The following USP24 variants were observed in gnomAD, a reference collection of about 807,000 sequenced individuals.
The protein encoded by USP24 is ubiquitin specific peptidase 24, also known as ubiquitin carboxyl-terminal hydrolase 24.
A neutral mutation model predicts 361.6 loss-of-function variants in USP24; 97 were observed. The observed-to-expected ratio is 0.27, with a 90% CI of 0.23 to 0.32. The LOEUF is 0.32. Among genes scored for constraint, USP24 ranks in the 10% least tolerant of loss-of-function variants. The pLI, the probability that USP24 is intolerant of heterozygous loss-of-function variation, is 1.00. For missense variants in USP24, 2,353 were observed against 3,165.6 expected, an observed-to-expected ratio of 0.74 and a Z score of 6.16; for synonymous variants, 1,098 against 1,124.6, an observed-to-expected ratio of 0.98 and a Z score of 0.47.
Position 55,154,450 on chromosome 1 carries a change from C to T in USP24, c.1571G>A (p.Ser524Asn). 6.4e-7 allele frequency: 1 copy of T among 1,551,492 alleles called. No homozygotes were observed. Among genetic ancestry groups the T allele is most frequent in the East Asian group, 2.4e-5 (1 of 40,924 alleles). Residue 524 changes from serine (S) to asparagine (N), a missense_variant, in exon 14 of 68, where the codon AGT becomes AAT. Physicochemically the swap from Ser to Asn is conservative, Grantham distance 46. This residue lies in a region of USP24 where 386 missense variants were observed against 560.5 expected (regional missense o/e 0.69). Coordinates refer to ENST00000294383, the MANE Select transcript of USP24 (RefSeq NM_015306.3). ...VLIQKSWETE[S>N]DRVRQKLLSL... ...CAAAAGCTTCTGTCTTACTCTATCA[C>T]TCTCAGTCTCCCAGCTCTGTAGAAC...
chr1:55,078,445 G>A, intron 61 of USP24, 93 bp downstream of exon 61: 1 of 853,296 alleles, frequency 1.2e-6, no homozygotes, highest in Non-Finnish European at 1.7e-6. Flanking sequence ...CTTAGGCTAT[G>A]AGAACAAGCA....
At chr1:55,122,800 G>A (rs1190297132) in intron 36 of USP24, among the ~76,000 whole-genome samples, 1 of 152,168 alleles carries the variant, frequency 6.6e-6, no homozygotes, top group Non-Finnish European at 1.5e-5. Context: ...AGGATGATAT[G>A]GGCAGGATTA....
intron 1 of USP24, 138 bp from the exon 2 acceptor site, chr1:55,178,270 T>A (rs760536311): frequency 1.6e-5 from 14 of 899,066 alleles, no homozygotes; most frequent in Non-Finnish European, 2.3e-5. Flanking sequence ...CTTTCTTTCC[T>A]ATAATCACAT....
chr1:55,187,813 T>C (rs575036220), intron 1 of USP24, among the ~76,000 whole-genome samples: 3 of 152,332 alleles, frequency 2.0e-5, no homozygotes, highest in South Asian at 2.1e-4. Flanking sequence ...CCTATGTTCA[T>C]AGATTGGAAC....
At chr1:55,186,135 T>C (rs1172787797) in intron 1 of USP24, among the ~76,000 whole-genome samples, 2 of 152,156 alleles carry the variant, frequency 1.3e-5, no homozygotes, top group Non-Finnish European at 2.9e-5. Flanking sequence ...AGAACTAACA[T>C]CAATCCTTCA....
At chr1:55,090,365 A>G (rs1411582999) in intron 54 of USP24, among the ~76,000 whole-genome samples, 3 of 152,194 alleles carry the variant, frequency 2.0e-5, no homozygotes, top group Non-Finnish European at 4.4e-5. Flanking sequence ...AAAGTGACCA[A>G]TCCTATGCCA....
At chr1:55,090,588 C>T (rs922100233) in intron 54 of USP24, among the ~76,000 whole-genome samples, 5 of 152,204 alleles carry the variant, frequency 3.3e-5, no homozygotes, top group African/African-American at 4.8e-5. Flanking sequence ...GAGAAGCTCA[C>T]TTTGCTAGTG....
intron 26 of USP24, among the ~76,000 whole-genome samples, chr1:55,138,174 G>A (rs1186407433): frequency 6.6e-6 from 1 of 151,954 alleles, no homozygotes; most frequent in East Asian, 1.9e-4. Context: ...CTTTCTCACT[G>A]TGCTCCCCTC....
At position 55,138,379 on chromosome 1, in the gene USP24, C is replaced by A. The variant is rs146448780; in HGVS notation, c.2928+229G>T. On this transcript the variant is annotated intron_variant, in intron 26 of 67. Coordinates refer to ENST00000294383, the MANE Select transcript of USP24 (RefSeq NM_015306.3). Reference sequence around the variant, plus strand: ...CTTATCACCCTCCTCACCAATGTATCCTGCTTTACTCTTATTTGTTCTTTA... The same window carrying A: ...CTTATCACCCTCCTCACCAATGTATACTGCTTTACTCTTATTTGTTCTTTA... 7.9e-5 allele frequency among the ~76,000 whole-genome samples: 12 copies of A among 152,228 alleles called. No homozygotes were observed. The East Asian group carries it at 2.3e-3, about 29-fold the overall frequency.
intron 1 of USP24, among the ~76,000 whole-genome samples, chr1:55,193,389 A>G (rs1240101806): frequency 6.6e-6 from 1 of 152,226 alleles, no homozygotes; most frequent in Non-Finnish European, 1.5e-5. Context: ...AATACAGAGA[A>G]GCAAGGTTTT....
chr1:55,195,201 C>A (rs928364489), intron 1 of USP24, among the ~76,000 whole-genome samples: 3 of 152,308 alleles, frequency 2.0e-5, no homozygotes, highest in African/African-American at 7.2e-5. Context: ...CAATCCATCA[C>A]AATATATGGT....
chr1:55,184,983 G>C (rs990463602), intron 1 of USP24, among the ~76,000 whole-genome samples: 1 of 151,728 alleles, frequency 6.6e-6, no homozygotes, highest in Non-Finnish European at 1.5e-5. Flanking sequence ...TTTGACATGG[G>C]GTCTTGTTCT....
chr1:55,147,956 A>G (rs965953274), intron 17 of USP24, among the ~76,000 whole-genome samples, 158 bp from the exon 18 acceptor site: 5 of 152,200 alleles, frequency 3.3e-5, no homozygotes, highest in Non-Finnish European at 7.4e-5. Context: ...AATAAAATCA[A>G]TCTGGTATGT....
At position 55,124,388 on chromosome 1, in the gene USP24, G is replaced by T; in HGVS notation, c.4120+81C>A. On this transcript the variant is annotated intron_variant, in intron 35 of 67. Coordinates refer to ENST00000294383, the MANE Select transcript of USP24 (RefSeq NM_015306.3). ...AGAGAAGAGGGTCTCCCATTTTTGT[G>T]ACTCTGGCAAACCTACACACAGAAT... 5 of 1,484,804 alleles carry T rather than the reference G, an allele frequency of 3.4e-6. No individual in the cohort carries two copies. In the Admixed American group the frequency reaches 6.9e-5, roughly 20 times the overall value. The allele number at this position is 1,484,804 out of a possible 1,614,324, so 92.0% of individuals were successfully genotyped here.
In USP24 at chr1:55,071,534, T is replaced by G. The variant is rs146027860; in HGVS notation, c.7800+280A>C. ...GTGAACAAGCTGGAACGAATCCCCC[T>G]GTGCCCTGGCTTCATCGGGACTACC... On this transcript the variant is annotated intron_variant, in intron 67 of 67. Transcript: ENST00000294383. The G allele has an allele frequency of 5.2e-3, 6,425 of 1,232,644 alleles. 38 individuals carry two copies. The highest frequency in any genetic ancestry group is 0.025 in the East Asian group (690 of 27,450). The allele number at this position is 1,232,644 out of a possible 1,614,324, so 76.4% of individuals were successfully genotyped here. A position where few individuals can be genotyped will look rare whatever the true frequency, so the allele number is the denominator to read the frequency against.
At chr1:55,156,677 C>T (rs1226218711) in intron 12 of USP24, among the ~76,000 whole-genome samples, 1 of 152,042 alleles carries the variant, frequency 6.6e-6, no homozygotes. Context: ...ACACCTATTC[C>T]TAGCTCTGCC....
rs573139786 is a variant in USP24, at chr1:55,066,724, A to G, written c.*2321T>C. On this transcript the variant is annotated 3_prime_UTR_variant, in exon 68 of 68. Coordinates refer to ENST00000294383, the MANE Select transcript of USP24 (RefSeq NM_015306.3). Reference sequence around the variant, plus strand: ...CTTTCCCAGGATGCCTTCAACGGGCAGAATCGGCCATCTTAAGATCGGCCT... The same window carrying G: ...CTTTCCCAGGATGCCTTCAACGGGCGGAATCGGCCATCTTAAGATCGGCCT... 2.0e-5 allele frequency: 3 copies of G among 152,340 alleles called. No individual in the cohort carries two copies. The South Asian group carries it at 6.2e-4, about 32-fold the overall frequency. The allele number at this position is 152,340 out of a possible 1,614,324, so 9.4% of individuals were successfully genotyped here.
rs535621073 is a variant in USP24 at position 55,213,991 on chromosome 1, A to G, written c.324+799T>C. Among the ~76,000 whole-genome samples, 41 of 151,976 alleles carry G rather than the reference A, an allele frequency of 2.7e-4. 1 individual carries two copies. The highest frequency in any genetic ancestry group is 9.7e-4 in the African/African-American group (40 of 41,426). ...CTCATTTCTGACCTTATCGATGACCAGTACTCCCTCTTTACCCAGACCTGG... is the reference window on the plus strand; with the variant it reads ...CTCATTTCTGACCTTATCGATGACCGGTACTCCCTCTTTACCCAGACCTGG... On this transcript the variant is annotated intron_variant, in intron 1 of 67. Transcript: ENST00000294383.
At position 55,078,527 on chromosome 1, in the gene USP24, T is replaced by C. The variant is rs1353125462; in HGVS notation, c.7314+11A>G. Reference sequence around the variant, plus strand: ...GCTATCTGGCTATCACTCGTTTAACTGAGGTCTTACCTTAATGAAATGCAG... The same window carrying C: ...GCTATCTGGCTATCACTCGTTTAACCGAGGTCTTACCTTAATGAAATGCAG... On this transcript the variant is annotated intron_variant, in intron 61 of 67. Transcript: ENST00000294383. 1 of 1,602,324 alleles carries C rather than the reference T, an allele frequency of 6.2e-7. No individual in the cohort carries two copies. Among genetic ancestry groups the C allele is most frequent in the Non-Finnish European group, 8.5e-7 (1 of 1,174,344 alleles).
Sources: allele counts gnomAD v4.1 joint callset (sites outside exome capture counted in the v4.1 genomes callset), GRCh38; gene constraint gnomAD v4.1.1; regional missense constraint gnomAD v4.1.1; transcripts MANE v1.5; gene names NCBI Gene and HGNC (gene_info 2026-07-23, HGNC 2026-07-21).